BRD10: variants seen among roughly 807,000 people sequenced by gnomAD.
BRD10 encodes the protein bromodomain containing 10, also known as uncharacterized bromodomain-containing protein 10.
At chr9:6,007,384 T>C in the BRD10 span, 2 of 1,611,418 alleles carry the variant, frequency 1.2e-6, no homozygotes, top group Non-Finnish European at 1.7e-6. Flanking sequence ...ACACATGCCC[T>C]GTCCGGGCTG....
the BRD10 span, among the ~76,000 whole-genome samples, chr9:5,915,100 T>C: frequency 2.6e-5 from 4 of 152,208 alleles, no homozygotes; most frequent in East Asian, 7.7e-4. Context: ...ATGATATTAT[T>C]TGCTATTTAA....
At chr9:5,894,393 C>A in the BRD10 span, among the ~76,000 whole-genome samples, 1 of 152,134 alleles carries the variant, frequency 6.6e-6, no homozygotes, top group Non-Finnish European at 1.5e-5. The surrounding 1 kb of genome is among the most constrained non-coding windows in gnomAD (Gnocchi z 4.0). Flanking sequence ...TCGGGGCAAC[C>A]AAGGCTGTAC....
the BRD10 span, among the ~76,000 whole-genome samples, chr9:5,917,213 TCA>T: frequency 6.6e-6 from 1 of 152,236 alleles, no homozygotes; most frequent in African/African-American, 2.4e-5. Context: ...TATGTTGTTC[TCA>T]GTCTGAGTGA....
At chr9:5,911,400 T>TGC in the BRD10 span, among the ~76,000 whole-genome samples, 2,074 of 140,740 alleles carry the variant, frequency 0.015, 61 homozygotes, top group South Asian at 0.12. Flanking sequence ...CATTGGTCTA[T>TGC]GTGTGTTTTT....
the BRD10 span, chr9:5,922,752 A>G: frequency 6.2e-7 from 1 of 1,613,836 alleles, no homozygotes. Context: ...ATCTTTACAG[A>G]GCTATTTTGA....
the BRD10 span, among the ~76,000 whole-genome samples, chr9:5,915,243 T>A: frequency 6.6e-6 from 1 of 152,112 alleles, no homozygotes; most frequent in Non-Finnish European, 1.5e-5. Flanking sequence ...AAATATCAGG[T>A]CTTCACACCA....
At chr9:5,883,462 C>T in the BRD10 span, among the ~76,000 whole-genome samples, 26 of 102,380 alleles carry the variant, frequency 2.5e-4, no homozygotes, top group Admixed American at 4.9e-4. Context: ...CCTTCTTCTT[C>T]TTTTTTTTTT....
At chr9:5,922,373 G>A in the BRD10 span, 1 of 1,613,942 alleles carries the variant, frequency 6.2e-7, no homozygotes, top group Non-Finnish European at 8.5e-7. Context: ...GGCTTTTCCT[G>A]CCTCACTCTG....
At chr9:5,953,960 A>G in the BRD10 span, 1,467 of 939,114 alleles carry the variant, frequency 1.6e-3, 4 homozygotes, top group Middle Eastern at 2.9e-3. Flanking sequence ...TCGAGGAATG[A>G]TATGAACACT....
the BRD10 span, among the ~76,000 whole-genome samples, chr9:5,996,448 A>G: frequency 6.6e-6 from 1 of 152,106 alleles, no homozygotes; most frequent in South Asian, 2.1e-4. Flanking sequence ...TCTCCCAAGT[A>G]GCTAAGATTA....
At chr9:5,921,468 T>C in the BRD10 span, 1 of 1,613,946 alleles carries the variant, frequency 6.2e-7, no homozygotes. Flanking sequence ...ACTGGGGCAT[T>C]AATAAAAACT....
chr9:5,937,173 G>A, the BRD10 span, among the ~76,000 whole-genome samples: 73 of 150,426 alleles, frequency 4.9e-4, no homozygotes, highest in African/African-American at 1.7e-3. Flanking sequence ...AGGTTGCAGT[G>A]AGCCGAGATC....
the BRD10 span, among the ~76,000 whole-genome samples, chr9:5,994,922 A>C: frequency 2.8e-5 from 3 of 107,736 alleles, no homozygotes; most frequent in East Asian, 7.1e-4. Flanking sequence ...TTTTTGAGAC[A>C]GAGTTTCGCT....
At chr9:5,919,727 A>C in the BRD10 span, 2 of 1,612,746 alleles carry the variant, frequency 1.2e-6, no homozygotes, top group African/African-American at 1.3e-5. Flanking sequence ...CGACGACTGA[A>C]AAGCAGGGAA....
At chr9:5,924,100 CT>C in the BRD10 span, among the ~76,000 whole-genome samples, 1 of 152,086 alleles carries the variant, frequency 6.6e-6, no homozygotes, top group Non-Finnish European at 1.5e-5. Flanking sequence ...TTGTCAAATT[CT>C]ATTTCTAAAG....
chr9:5,992,621 T>C, the BRD10 span, among the ~76,000 whole-genome samples: 2 of 152,118 alleles, frequency 1.3e-5, no homozygotes, highest in Non-Finnish European at 2.9e-5. Flanking sequence ...AATCTGACAG[T>C]AGTTTGAAAA....
chr9:5,957,972 G>A, the BRD10 span, among the ~76,000 whole-genome samples: 1 of 151,966 alleles, frequency 6.6e-6, no homozygotes, highest in African/African-American at 2.4e-5. Flanking sequence ...ACTGCCCTAA[G>A]TTACTTGGTC....
chr9:6,007,420 C>T, the BRD10 span: 16 of 1,607,102 alleles, frequency 1.0e-5, no homozygotes, highest in Non-Finnish European at 1.4e-5. Context: ...ACCGCCCCGG[C>T]CCCCGCTGCG....
chr9:5,907,022 G>T, the BRD10 span: 1 of 1,444,976 alleles, frequency 6.9e-7, no homozygotes. Context: ...CTTCATAAGG[G>T]TATTTTCATG....
Sources: allele counts gnomAD v4.1 joint callset (sites outside exome capture counted in the v4.1 genomes callset), GRCh38; gene constraint gnomAD v4.1.1; non-coding constraint Gnocchi (gnomAD v3.1); transcripts MANE v1.5; gene names NCBI Gene and HGNC (gene_info 2026-07-23, HGNC 2026-07-21).